Variants in LRP1B observed in about 807,000 individuals in gnomAD.
LRP1B encodes LDL receptor related protein 1B, also known as low-density lipoprotein receptor-related protein 1B.
In LRP1B, 217 loss-of-function variants were observed where a neutral mutation model predicts 556.6. That is an observed-to-expected ratio of 0.39 (90% CI 0.35 to 0.44). LRP1B has a LOEUF of 0.44. LRP1B is among the 20% of genes least tolerant of loss of function. The pLI is 1.00. For synonymous variants in LRP1B, 2,047 were observed against 1,865.8 expected, an observed-to-expected ratio of 1.10 and a Z score of -2.50; for missense variants, 5,053 against 5,620.8, an observed-to-expected ratio of 0.90 and a Z score of 3.23.
chr2:141,345,656 A>AT (rs758109848), intron 3 of LRP1B, among the ~76,000 whole-genome samples: 2,492 of 131,012 alleles, frequency 0.019, 47 homozygotes, highest in Admixed American at 0.039. Flanking sequence ...TACCTGGCTA[A>AT]TTTTTTTTTT....
At chr2:141,215,721 T>A (rs1682776091) in intron 6 of LRP1B, among the ~76,000 whole-genome samples, 1 of 152,202 alleles carries the variant, frequency 6.6e-6, no homozygotes, top group Admixed American at 6.5e-5. Context: ...AGTTTGAGCT[T>A]GAGAGTGATA....
chr2:141,331,571 G>A (rs1328631981), intron 3 of LRP1B, among the ~76,000 whole-genome samples: 2 of 57,416 alleles, frequency 3.5e-5, no homozygotes, highest in East Asian at 5.2e-4. Context: ...GAGGGAGGGG[G>A]AATTTCTAAT....
At chr2:141,715,350 T>C (rs1426850412) in intron 2 of LRP1B, among the ~76,000 whole-genome samples, 3 of 152,018 alleles carry the variant, frequency 2.0e-5, no homozygotes, top group Non-Finnish European at 4.4e-5. Context: ...ATGTGCCTGT[T>C]GTTCCAGCTA....
intron 7 of LRP1B, among the ~76,000 whole-genome samples, chr2:141,118,911 G>C (rs1700973280): frequency 6.6e-6 from 1 of 151,834 alleles, no homozygotes; most frequent in South Asian, 2.1e-4. Flanking sequence ...AAGAAATACA[G>C]CAATGTCATT....
Position 141,166,431 on chromosome 2 carries a change from G to A in LRP1B, c.1013+21990C>T, listed in dbSNP as rs909205546. On this transcript the variant is annotated intron_variant, in intron 7 of 90. Coordinates refer to ENST00000389484, the MANE Select transcript of LRP1B (RefSeq NM_018557.3). ...CATAATAGGTGTATATATTTAATGG[G>A]GTACTTGAGATATTTTGATATAGGC... Among the ~76,000 whole-genome samples the A allele has an allele frequency of 3.4e-5, 5 of 148,670 alleles. No individual in the cohort carries two copies. The Admixed American group carries it at 3.4e-4, about 10-fold the overall frequency.
At chr2:140,526,397 C>T (rs766798447) in intron 47 of LRP1B, 47 bp from the exon 48 acceptor site, 10 of 1,123,142 alleles carry the variant, frequency 8.9e-6, no homozygotes, top group Non-Finnish European at 1.2e-5. Context: ...GACAGAATGA[C>T]TCCTTGCTTT....
chr2:140,406,723 T>C (rs1684754602), intron 66 of LRP1B, among the ~76,000 whole-genome samples: 1 of 152,100 alleles, frequency 6.6e-6, no homozygotes, highest in Non-Finnish European at 1.5e-5. Context: ...CCAGCCCATG[T>C]TCATGGATGG....
At position 140,353,573 on chromosome 2, in the gene LRP1B, T is replaced by C. The variant is rs569439159; in HGVS notation, c.11531-501A>G. On this transcript the variant is annotated intron_variant, in intron 75 of 90. Coordinates refer to ENST00000389484, the MANE Select transcript of LRP1B (RefSeq NM_018557.3). ...TTCATCCCGTAATGCCCTTGCCCAC[T>C]TTTCCATACAGAATTTCTACTCATC... 2.6e-5 allele frequency among the ~76,000 whole-genome samples: 4 copies of C among 152,182 alleles called. No homozygotes were observed. The South Asian group carries it at 8.3e-4, about 32-fold the overall frequency.
At chr2:140,741,923 C>T (rs1248386673) in intron 35 of LRP1B, among the ~76,000 whole-genome samples, 12 of 152,186 alleles carry the variant, frequency 7.9e-5, no homozygotes, top group African/African-American at 2.9e-4. Context: ...ATTCATGTCA[C>T]TGCAAAGGAC....
At chr2:140,852,053 T>C (rs1264138942) in intron 27 of LRP1B, among the ~76,000 whole-genome samples, 3 of 152,200 alleles carry the variant, frequency 2.0e-5, no homozygotes, top group Non-Finnish European at 4.4e-5. Context: ...AGTGGCCGGA[T>C]GTGGTTGCTC....
rs1041581711 is a variant in LRP1B, at chr2:141,151,541, G to A, written c.1013+36880C>T. ...GTTCATAGATTATGAAGATGGCTAA[G>A]ACACAATTGCTTATTTTATTTTCTT... is the stretch of plus-strand genomic sequence containing the variant. On this transcript the variant is annotated intron_variant, in intron 7 of 90. Coordinates refer to ENST00000389484, the MANE Select transcript of LRP1B (RefSeq NM_018557.3). Among the ~76,000 whole-genome samples, 4 of 152,064 alleles carry A rather than the reference G, an allele frequency of 2.6e-5. No individual in the cohort carries two copies. The East Asian group carries it at 7.7e-4, about 29-fold the overall frequency.
chr2:141,642,511 A>T (rs1415273774), intron 2 of LRP1B, among the ~76,000 whole-genome samples: 1 of 152,176 alleles, frequency 6.6e-6, no homozygotes, highest in Admixed American at 6.6e-5. Flanking sequence ...ACATAAAAAA[A>T]TTACTGCAAT....
intron 7 of LRP1B, among the ~76,000 whole-genome samples, chr2:141,105,739 A>C (rs1700587690): frequency 6.6e-6 from 1 of 152,204 alleles, no homozygotes; most frequent in Non-Finnish European, 1.5e-5. Context: ...CTGGCTTTTC[A>C]AAAAATGTAT....
chr2:141,562,744 A>G (rs1438811105), intron 2 of LRP1B, among the ~76,000 whole-genome samples: 1 of 152,030 alleles, frequency 6.6e-6, no homozygotes. Flanking sequence ...AACCTAGGTC[A>G]TAAGGAAAAT....
chr2:140,237,148 T>C (rs1323716020), intron 89 of LRP1B, among the ~76,000 whole-genome samples: 1 of 150,948 alleles, frequency 6.6e-6, no homozygotes, highest in Non-Finnish European at 1.5e-5. Context: ...TTTGTACCCA[T>C]TGAACAACAC....
At position 140,358,129 on chromosome 2, in the gene LRP1B, A is replaced by T. The variant is rs1682320414; in HGVS notation, c.11258-13T>A. On this transcript the variant is annotated splice_polypyrimidine_tract_variant and intron_variant, in intron 73 of 90. Coordinates refer to ENST00000389484, the MANE Select transcript of LRP1B (RefSeq NM_018557.3). ...TATGTCAGCTTACCTATAGAGTCAT[A>T]CAAAAAATGATTAGTGCTTCACAGA... The T allele has an allele frequency of 1.2e-6, 2 of 1,607,146 alleles. No individual in the cohort carries two copies. Among genetic ancestry groups the T allele is most frequent in the African/African-American group, 1.3e-5 (1 of 74,632 alleles).
intron 3 of LRP1B, among the ~76,000 whole-genome samples, chr2:141,438,827 G>A (rs1284516256): frequency 6.6e-6 from 1 of 152,096 alleles, no homozygotes; most frequent in Non-Finnish European, 1.5e-5. Flanking sequence ...TTAAAAATGG[G>A]AGCTACTATC....
chr2:140,949,961 A>AAG (rs1177001518), intron 20 of LRP1B, among the ~76,000 whole-genome samples: 9 of 90,944 alleles, frequency 9.9e-5, no homozygotes, highest in South Asian at 3.2e-4. Context: ...AAAAAAAAAA[A>AAG]AAAGAAAAAA....
In LRP1B at chr2:141,423,290, CTT is replaced by C. The variant is rs1176569388; in HGVS notation, c.343+57104_343+57105del. Among the ~76,000 whole-genome samples, 328 of 68,362 alleles carry C rather than the reference CTT, an allele frequency of 4.8e-3. 4 individuals are homozygous for C. The highest frequency in any genetic ancestry group is 0.012 in the African/African-American group (241 of 19,428). The allele number at this position is 68,362 out of a possible 152,430, so 44.8% of individuals were successfully genotyped here. On this transcript the variant is annotated intron_variant, in intron 3 of 90. Transcript: ENST00000389484. Reference sequence around the variant, plus strand: ...CCCTCTCACTAGGCAACAGCCAGAGCTTTTTTTTTTTTTTTTTTTTTTTTTTA... The same window carrying C: ...CCCTCTCACTAGGCAACAGCCAGAGCTTTTTTTTTTTTTTTTTTTTTTTTA...
Sources: gnomAD v4.1 joint callset for allele counts (sites outside exome capture counted in the v4.1 genomes callset) on GRCh38, gnomAD v4.1.1 for gene constraint, MANE v1.5 for transcripts, NCBI Gene and HGNC (gene_info 2026-07-23, HGNC 2026-07-21) for gene names.